LYSMD4: variants seen among roughly 807,000 people sequenced by gnomAD.
LYSMD4 encodes the protein lysM and putative peptidoglycan-binding domain-containing protein 4.
A neutral mutation model predicts 6.1 loss-of-function variants in LYSMD4; 9 were observed. The observed-to-expected ratio is 1.47, with a 90% CI of 0.88 to 2.56. LYSMD4 has a LOEUF of 2.56. Ranked by LOEUF, LYSMD4 falls within the 30% of genes most tolerant of loss-of-function variation. The pLI, the probability that LYSMD4 is intolerant of heterozygous loss-of-function variation, is 0.00. For synonymous variants in LYSMD4, 143 were observed against 148.5 expected, an observed-to-expected ratio of 0.96 and a Z score of 0.27; for missense variants, 384 against 373.5, an observed-to-expected ratio of 1.03 and a Z score of -0.23.
rs774533524 is a variant in LYSMD4, at chr15:99,731,736, C to A, written c.264G>T (p.Ala88=). The change falls in exon 2 of 3, where the codon GCG becomes GCT. Residue 88 remains alanine (A), a synonymous_variant. Transcript: ENST00000684762. Reference sequence around the variant, plus strand: ...GTCTTACTTTGCAGCCATACTGCAGCGCCAGCTTGTTGAGGCTGTCCTCCT... The same window carrying A: ...GTCTTACTTTGCAGCCATACTGCAGAGCCAGCTTGTTGAGGCTGTCCTCCT... ...LAQEDSLNKL[A]LQYGCKVADI... 1 of 1,601,346 alleles carries A rather than the reference C, an allele frequency of 6.2e-7. No homozygotes were observed. Among genetic ancestry groups the A allele is most frequent in the Admixed American group, 1.7e-5 (1 of 59,544 alleles).
exon 1 of LYSMD4, chr15:99,716,781 G>C (rs943992625): frequency 9.5e-6 from 4 of 420,166 alleles, no homozygotes; most frequent in African/African-American, 8.2e-5. Context: ...ACAGTGCTGT[G>C]GATGAGTGGA....
chr15:99,733,376 C>CCGG lies in LYSMD4; in HGVS notation c.-43_-41dup. The stretch of plus-strand genomic sequence containing the variant: ...GCCCAGGCTCCGCCGCGACCGGCGA[C>CCGG]CGGCGACTCGCGACCCGCGACCCGC... On this transcript the variant is annotated 5_prime_UTR_variant, in exon 1 of 3. Coordinates refer to ENST00000684762, the MANE Select transcript of LYSMD4 (RefSeq NM_001284417.2). 1 of 395,502 alleles carries CCGG rather than the reference C, an allele frequency of 2.5e-6. No individual in the cohort carries two copies. 24.5% of individuals were successfully genotyped at this position (395,502 alleles called of 1,614,324 possible). A position where few individuals can be genotyped will look rare whatever the true frequency, so the allele number is the denominator to read the frequency against.
At chr15:99,731,412 A>C (rs751757168) in intron 2 of LYSMD4, 6 of 1,612,220 alleles carry the variant, frequency 3.7e-6, no homozygotes, top group Non-Finnish European at 8.5e-7. Context: ...TTAGGTCTAA[A>C]ATAAAATGTG....
upstream of LYSMD4, chr15:99,720,905 C>T (rs757555976): frequency 6.6e-6 from 1 of 152,264 alleles, no homozygotes; most frequent in Non-Finnish European, 1.5e-5. Flanking sequence ...TCAAGGTCTT[C>T]GCTTCTGTAA....
rs959750994 is a variant in LYSMD4, at chr15:99,728,506, C to G, written c.*617G>C. ...GACAGGAGTAGGACTGCCCTTTATTCAACAGTGCCGCAGTTTGGGTCCAGG... is the reference window on the plus strand; with the variant it reads ...GACAGGAGTAGGACTGCCCTTTATTGAACAGTGCCGCAGTTTGGGTCCAGG... On this transcript the variant is annotated 3_prime_UTR_variant, in exon 3 of 3. Transcript: ENST00000684762. 2 of 160,590 alleles carry G rather than the reference C, an allele frequency of 1.2e-5. No homozygotes were observed. The highest frequency in any genetic ancestry group is 2.8e-5 in the Non-Finnish European group (2 of 71,992). The allele number at this position is 160,590 out of a possible 1,614,324, so 9.9% of individuals were successfully genotyped here.
upstream of LYSMD4, among the ~76,000 whole-genome samples, chr15:99,719,149 A>G (rs1437239141): frequency 6.6e-6 from 1 of 151,132 alleles, no homozygotes; most frequent in African/African-American, 2.4e-5. Context: ...ACTAGATGAG[A>G]GCATTTATGT....
intron 2 of LYSMD4, among the ~76,000 whole-genome samples, 178 bp from the exon 3 acceptor site, chr15:99,729,909 T>G (rs992240510): frequency 2.6e-5 from 4 of 152,256 alleles, no homozygotes; most frequent in Admixed American, 2.0e-4. Context: ...ATTTTGTTTT[T>G]TTGGCTTTCA....
chr15:99,731,783 G>C lies in LYSMD4; in HGVS notation c.217C>G (p.Leu73Val). Residue 73 changes from leucine to valine, a missense_variant, in exon 2 of 3, where the codon CTG becomes GTG. Coordinates refer to ENST00000684762, the MANE Select transcript of LYSMD4 (RefSeq NM_001284417.2). Reference sequence around the variant, plus strand: ...TCCTGGGCCAGCTCCCGCTGCAGCAGCACCACGTCACCTGCTCCCGCCTGG... The same window carrying C: ...TCCTGGGCCAGCTCCCGCTGCAGCACCACCACGTCACCTGCTCCCGCCTGG... ...PPQAGAGDVVLLQRELAQEDS... is the reference protein window; with the variant it reads ...PPQAGAGDVVVLQRELAQEDS... 1.2e-6 allele frequency: 2 copies of C among 1,611,358 alleles called. No homozygotes were observed. Among genetic ancestry groups the C allele is most frequent in the Non-Finnish European group, 1.7e-6 (2 of 1,179,482 alleles).
At position 99,731,890 on chromosome 15, in the gene LYSMD4, TC is replaced by T; in HGVS notation, c.109del (p.Asp37ThrfsTer77). The T allele has an allele frequency of 6.8e-6, 11 of 1,613,164 alleles. No homozygotes were observed. The highest frequency in any genetic ancestry group is 1.3e-5 in the African/African-American group (1 of 74,916). ...MFKNGSGDSG[D>X]SSEEESHRVV... ...ACGGTGAGACTCTTCTTCAGAAGAG[TC>T]CCCCGAGTCCCCACTGCCATTCTTA... On this transcript the variant is annotated frameshift_variant, in exon 2 of 3. Transcript: ENST00000684762. LOFTEE classifies it high-confidence loss of function.
downstream of LYSMD4, among the ~76,000 whole-genome samples, chr15:99,725,157 G>A (rs1295606984): frequency 1.3e-5 from 2 of 152,088 alleles, no homozygotes; most frequent in African/African-American, 2.4e-5. Context: ...TTACTCAAAG[G>A]CAAGGTGTTG....
chr15:99,719,776 G>A (rs372417777), upstream of LYSMD4, among the ~76,000 whole-genome samples: 2 of 152,114 alleles, frequency 1.3e-5, no homozygotes, highest in African/African-American at 2.4e-5. Flanking sequence ...GCAAGGTATC[G>A]CCAAATTTGC....
At chr15:99,720,056 T>G (rs1037836468), upstream of LYSMD4, among the ~76,000 whole-genome samples, 1 of 152,230 alleles carries the variant, frequency 6.6e-6, no homozygotes, top group African/African-American at 2.4e-5. Context: ...GTTACTTTTA[T>G]ATTAGGGATA....
chr15:99,719,072 T>G (rs1450208802), upstream of LYSMD4, among the ~76,000 whole-genome samples: 1 of 152,262 alleles, frequency 6.6e-6, no homozygotes, highest in Non-Finnish European at 1.5e-5. Flanking sequence ...TTTTACTTAT[T>G]GTTCAGTTCC....
chr15:99,729,031 C>G lies in LYSMD4; in HGVS notation c.*92G>C. ...AAAAGTGTCCATCCTTCCCCGGAAGCAAAATGCAGCACCCCTAGGACATCG... is the reference window on the plus strand; with the variant it reads ...AAAAGTGTCCATCCTTCCCCGGAAGGAAAATGCAGCACCCCTAGGACATCG... On this transcript the variant is annotated 3_prime_UTR_variant, in exon 3 of 3. Coordinates refer to ENST00000684762, the MANE Select transcript of LYSMD4 (RefSeq NM_001284417.2). The G allele has an allele frequency of 6.5e-7, 1 of 1,530,858 alleles. No homozygotes were observed. The highest frequency in any genetic ancestry group is 8.8e-7 in the Non-Finnish European group (1 of 1,131,400). 94.8% of individuals were successfully genotyped at this position (1,530,858 alleles called of 1,614,324 possible). A position where few individuals can be genotyped will look rare whatever the true frequency, so the allele number is the denominator to read the frequency against.
chr15:99,720,854 C>T (rs2059232448), upstream of LYSMD4: 1 of 152,184 alleles, frequency 6.6e-6, no homozygotes, highest in Non-Finnish European at 1.5e-5. Context: ...TATCTAAGTC[C>T]AAGCCTTCTG....
upstream of LYSMD4, among the ~76,000 whole-genome samples, chr15:99,721,123 C>A (rs779923796): frequency 3.3e-5 from 5 of 152,140 alleles, no homozygotes; most frequent in Non-Finnish European, 5.9e-5. Flanking sequence ...ATATTTGATT[C>A]TTTTCTATAT....
upstream of LYSMD4, among the ~76,000 whole-genome samples, chr15:99,718,909 G>A (rs948065271): frequency 1.3e-5 from 2 of 150,604 alleles, no homozygotes; most frequent in African/African-American, 2.4e-5. Context: ...GTAGTTATGC[G>A]CACACACACA....
intron 2 of LYSMD4, chr15:99,731,357 C>A (rs2059405610): frequency 1.2e-6 from 2 of 1,612,820 alleles, no homozygotes; most frequent in Non-Finnish European, 1.7e-6. Flanking sequence ...AGCAAGCATA[C>A]CATAGAAATC....
At chr15:99,717,622 G>A (rs2059197902) in exon 1 of LYSMD4, 1 of 151,538 alleles carries the variant, frequency 6.6e-6, no homozygotes, top group Admixed American at 6.6e-5. Context: ...CTGAGGACGA[G>A]CTCTTCCCAG....
Sources: allele counts gnomAD v4.1 joint callset (sites outside exome capture counted in the v4.1 genomes callset), GRCh38; gene constraint gnomAD v4.1.1; transcripts MANE v1.5; gene names NCBI Gene and HGNC (gene_info 2026-07-23, HGNC 2026-07-21).